Variants in PPP1R9A observed in about 807,000 individuals in gnomAD.
The protein encoded by PPP1R9A is protein phosphatase 1 regulatory subunit 9A, also known as neurabin-1.
Under a neutral mutation model 141.9 loss-of-function variants are expected in PPP1R9A, and 59 were observed. The ratio of observed to expected loss-of-function variants is 0.42; its 90% confidence interval spans 0.34 to 0.52. The LOEUF (loss-of-function observed/expected upper bound fraction) is 0.52. PPP1R9A is among the 20% of genes least tolerant of loss of function. The probability of loss-of-function intolerance (pLI) is 0.10; values close to 1 mark genes in which losing one functional copy is unlikely to be tolerated. For missense variants in PPP1R9A, 1,444 were observed against 1,611.9 expected (o/e 0.90, Z 1.78); for synonymous variants, 500 against 569.7 (o/e 0.88, Z 1.74).
chr7:95,175,474 A>G (rs1471631294), intron 5 of PPP1R9A, among the ~76,000 whole-genome samples: 1 of 151,888 alleles, frequency 6.6e-6, no homozygotes, highest in Non-Finnish European at 1.5e-5. Context: ...TATAAAAGTT[A>G]AAATATTCTA....
intron 2 of PPP1R9A, among the ~76,000 whole-genome samples, chr7:95,076,710 T>C (rs1027894148): frequency 6.6e-6 from 1 of 152,132 alleles, no homozygotes; most frequent in Non-Finnish European, 1.5e-5. Flanking sequence ...TGAGAATCCA[T>C]TGGAGTTTCT....
chr7:95,191,466 T>C (rs1835492884), intron 5 of PPP1R9A, among the ~76,000 whole-genome samples: 1 of 152,196 alleles, frequency 6.6e-6, no homozygotes, highest in Non-Finnish European at 1.5e-5. Context: ...TTCTTTATGT[T>C]GGGAACATTC....
chr7:95,210,161 G>A (rs114385614), intron 7 of PPP1R9A, among the ~76,000 whole-genome samples: 1,895 of 152,122 alleles, frequency 0.012, 38 homozygotes, highest in African/African-American at 0.043. Flanking sequence ...TTATAAGTAG[G>A]TAAATGTATT....
At chr7:95,163,148 G>A (rs1830680236) in intron 5 of PPP1R9A, among the ~76,000 whole-genome samples, 1 of 152,096 alleles carries the variant, frequency 6.6e-6, no homozygotes, top group Admixed American at 6.5e-5. Context: ...AAATGAAATA[G>A]GTAAGATATA....
At chr7:94,992,301 G>GTA (rs1241555886) in intron 2 of PPP1R9A, among the ~76,000 whole-genome samples, 2 of 152,172 alleles carry the variant, frequency 1.3e-5, no homozygotes, top group East Asian at 3.8e-4. Context: ...TGTTGTGCAA[G>GTA]TATCAATACT....
chr7:95,033,710 A>G (rs1180204162), intron 2 of PPP1R9A, among the ~76,000 whole-genome samples: 1 of 151,990 alleles, frequency 6.6e-6, no homozygotes, highest in Non-Finnish European at 1.5e-5. Context: ...GAAGGATCCA[A>G]TTCCATTTTT....
intron 2 of PPP1R9A, among the ~76,000 whole-genome samples, chr7:94,994,532 GA>G (rs1801918096): frequency 6.6e-6 from 1 of 152,140 alleles, no homozygotes. Context: ...TTGTTAAATA[GA>G]GAGTTTTTAT....
intron 2 of PPP1R9A, among the ~76,000 whole-genome samples, chr7:95,016,154 A>G (rs1805074141): frequency 1.3e-5 from 2 of 152,114 alleles, no homozygotes; most frequent in Admixed American, 1.3e-4. Context: ...AAAATTACTT[A>G]TCATATACAA....
chr7:95,120,754 G>A lies in PPP1R9A; in HGVS notation c.1571G>A (p.Gly524Glu). 4 of 1,614,016 alleles carry A rather than the reference G, an allele frequency of 2.5e-6. No individual in the cohort carries two copies. Among genetic ancestry groups the A allele is most frequent in the Non-Finnish European group, 3.4e-6 (4 of 1,179,924 alleles). ...LGISIIGMGV[G>E]ADAGLEKLGI... ...ATAAGTATTATTGGAATGGGTGTTGGAGCAGATGCTGGACTTGAAAAGCTG... is the reference window on the plus strand; with the variant it reads ...ATAAGTATTATTGGAATGGGTGTTGAAGCAGATGCTGGACTTGAAAAGCTG... The change falls in exon 4 of 20, where the codon GGA (glycine) becomes GAA (glutamate). Residue 524 changes from glycine (G) to glutamate (E), a missense_variant. Physicochemically the swap from Gly to Glu is moderately conservative, Grantham distance 98. Transcript: ENST00000433360.
intron 4 of PPP1R9A, among the ~76,000 whole-genome samples, chr7:95,140,743 C>T (rs1490567345): frequency 6.6e-6 from 1 of 151,940 alleles, no homozygotes; most frequent in African/African-American, 2.4e-5. Flanking sequence ...GACAGAGTTT[C>T]ACTCTATCAC....
chr7:95,284,760 A>G (rs1012183822), intron 17 of PPP1R9A, among the ~76,000 whole-genome samples: 1 of 152,212 alleles, frequency 6.6e-6, no homozygotes, highest in Non-Finnish European at 1.5e-5. Context: ...TTCTATCACC[A>G]AAGTTCTTCA....
At chr7:95,199,905 A>G (rs537819616) in intron 6 of PPP1R9A, among the ~76,000 whole-genome samples, 7 of 152,134 alleles carry the variant, frequency 4.6e-5, no homozygotes, top group South Asian at 2.1e-4. Flanking sequence ...TTGTAGAATC[A>G]TTTTCTGCAG....
chr7:95,251,760 A>G lies in PPP1R9A; in HGVS notation c.2397-2A>G. On this transcript the variant is annotated splice_acceptor_variant, in intron 10 of 19. Transcript: ENST00000433360. LOFTEE classifies it high-confidence loss of function. ...AATCAGAACTATTATTTTCTTCTTA[A>G]GAGAGCTTGATTTCATCAAAAGACA... 6.2e-7 allele frequency: 1 copy of G among 1,610,946 alleles called. No homozygotes were observed. The highest frequency in any genetic ancestry group is 8.5e-7 in the Non-Finnish European group (1 of 1,177,764).
At chr7:95,185,378 AT>A (rs147366122) in intron 5 of PPP1R9A, among the ~76,000 whole-genome samples, 4 of 148,886 alleles carry the variant, frequency 2.7e-5, no homozygotes, top group Non-Finnish European at 4.5e-5. Flanking sequence ...TTTTTATGGG[AT>A]TTTTTTTTTG....
At chr7:95,225,928 A>G in intron 7 of PPP1R9A, 33 bp from the exon 8 acceptor site, 1 of 1,574,990 alleles carries the variant, frequency 6.3e-7, no homozygotes, top group Non-Finnish European at 8.7e-7. Context: ...TGGGGTAAGG[A>G]CAGCTGGATT....
At chr7:95,102,921 A>G (rs1045916974) in intron 2 of PPP1R9A, among the ~76,000 whole-genome samples, 1 of 152,336 alleles carries the variant, frequency 6.6e-6, no homozygotes, top group African/African-American at 2.4e-5. Context: ...ACATTATTCT[A>G]GAGTCTATGA....
At chr7:95,037,065 A>G (rs1808523862) in intron 2 of PPP1R9A, 1 of 152,226 alleles carries the variant, frequency 6.6e-6, no homozygotes, top group African/African-American at 2.4e-5. Flanking sequence ...CCATAGAGAT[A>G]CATACTGAAG....
chr7:94,932,840 G>A (rs376260364), intron 2 of PPP1R9A, among the ~76,000 whole-genome samples: 21 of 141,702 alleles, frequency 1.5e-4, no homozygotes, highest in African/African-American at 1.1e-4. Context: ...GCATTCTCCC[G>A]TGTGACTGCT....
intron 2 of PPP1R9A, among the ~76,000 whole-genome samples, chr7:94,930,751 G>A (rs1794055051): frequency 6.6e-6 from 1 of 152,122 alleles, no homozygotes; most frequent in Admixed American, 6.6e-5. Context: ...CATCAGGAAG[G>A]GGAAAGGAGT....
Sources: gnomAD v4.1 joint callset for allele counts (sites outside exome capture counted in the v4.1 genomes callset) on GRCh38, gnomAD v4.1.1 for gene constraint, MANE v1.5 for transcripts, NCBI Gene and HGNC (gene_info 2026-07-23, HGNC 2026-07-21) for gene names.